ANKFN1: variants seen among roughly 807,000 people sequenced by gnomAD.
The protein encoded by ANKFN1 is ankyrin repeat and fibronectin type-III domain-containing protein 1.
A neutral mutation model predicts 108.7 loss-of-function variants in ANKFN1; 74 were observed. The ratio of observed to expected loss-of-function variants is 0.68; its 90% CI spans 0.56 to 0.83. The LOEUF is 0.83. ANKFN1 is among the 40% of genes least tolerant of loss of function. The pLI is 0.00. For synonymous variants in ANKFN1, 547 were observed against 516.2 expected (o/e 1.06, Z -0.81); for missense variants, 1,505 against 1,382.3 (o/e 1.09, Z -1.41).
chr17:56,212,839 G>T (rs2143819905), intron 2 of ANKFN1, among the ~76,000 whole-genome samples, 160 bp downstream of exon 2: 1 of 152,232 alleles, frequency 6.6e-6, no homozygotes. Flanking sequence ...AATTTAGCTG[G>T]TGTTTTTTTT....
At chr17:56,400,297 A>T (rs2047721093) in intron 8 of ANKFN1, among the ~76,000 whole-genome samples, 1 of 152,180 alleles carries the variant, frequency 6.6e-6, no homozygotes, top group Non-Finnish European at 1.5e-5. Context: ...TTAAGGTGGT[A>T]TCACATTGTG....
At chr17:56,079,192 G>A (rs976098785) in intron 4 of ANKFN1, among the ~76,000 whole-genome samples, 7 of 152,214 alleles carry the variant, frequency 4.6e-5, no homozygotes. Flanking sequence ...CCCCGAGGAG[G>A]CCTTTCATGC....
intron 8 of ANKFN1, among the ~76,000 whole-genome samples, chr17:56,414,058 G>T (rs1472134803): frequency 6.6e-6 from 1 of 152,192 alleles, no homozygotes; most frequent in Non-Finnish European, 1.5e-5. Flanking sequence ...TTGTGGATAA[G>T]CTGTTTGATG....
At chr17:56,442,758 C>A (rs1016033757) in intron 9 of ANKFN1, 85 bp from the exon 10 acceptor site, 51 of 1,201,424 alleles carry the variant, frequency 4.2e-5, no homozygotes, top group Admixed American at 3.0e-4. Flanking sequence ...GTTAATCACA[C>A]ATAGTTATTA....
chr17:56,054,771 G>A (rs747196897), intron 4 of ANKFN1, among the ~76,000 whole-genome samples: 16 of 152,088 alleles, frequency 1.1e-4, no homozygotes, highest in East Asian at 1.9e-4. Flanking sequence ...AATTAGTCCC[G>A]GCTACTCAGG....
chr17:56,333,419 CAT>C (rs2045720452), intron 4 of ANKFN1, among the ~76,000 whole-genome samples: 2 of 152,022 alleles, frequency 1.3e-5, no homozygotes, highest in Admixed American at 6.6e-5. Flanking sequence ...TAGAGATAAT[CAT>C]ATAGTTTTTC....
At chr17:56,381,874 C>G (rs1457906068) in intron 8 of ANKFN1, among the ~76,000 whole-genome samples, 11 of 152,100 alleles carry the variant, frequency 7.2e-5, no homozygotes, top group Non-Finnish European at 1.3e-4. Context: ...AGGATATTAT[C>G]CAGGAGAACT....
intron 8 of ANKFN1, among the ~76,000 whole-genome samples, chr17:56,416,047 A>G (rs369701856): frequency 3.3e-5 from 5 of 152,308 alleles, no homozygotes; most frequent in South Asian, 2.1e-4. Context: ...ATCTCTCACC[A>G]TATACAAATC....
chr17:56,174,614 TAGAC>T (rs1232065251), intron 1 of ANKFN1, among the ~76,000 whole-genome samples: 10 of 152,260 alleles, frequency 6.6e-5, no homozygotes, highest in East Asian at 1.9e-4. Context: ...GTCCTATAAT[TAGAC>T]AGAGCACAAG....
rs574542596 is a variant in ANKFN1 at position 56,320,864 on chromosome 17, G to A, written c.54-5357G>A. 4.6e-5 allele frequency among the ~76,000 whole-genome samples: 7 copies of A among 152,174 alleles called. No individual in the cohort carries two copies. In the South Asian group the frequency reaches 1.0e-3, roughly 23 times the overall value. On this transcript the variant is annotated intron_variant, in intron 3 of 20. Coordinates refer to ENST00000682825, the MANE Select transcript of ANKFN1 (RefSeq NM_001370326.1). ...ACACTCTGTCATCGGATTGCACTAC[G>A]AGGAATATGGGCCATCTCTTTTCGA...
chr17:56,491,130 T>C (rs1176586567), intron 18 of ANKFN1, among the ~76,000 whole-genome samples: 1 of 152,172 alleles, frequency 6.6e-6, no homozygotes, highest in East Asian at 1.9e-4. Flanking sequence ...AATTACTACC[T>C]GTAATTACTA....
Position 56,055,596 on chromosome 17 carries a change from T to TATATATATAC in ANKFN1, c.288+9272_288+9273insTATATATACA, listed in dbSNP as rs768200056. ...ATATATATATATATATATGTATATA[T>TATATATATAC]ACACATTTTTTTATCCAGTCAATCA... On this transcript the variant is annotated intron_variant, in intron 4 of 12. Coordinates refer to the ANKFN1 transcript ENST00000635860. 2.6e-4 allele frequency among the ~76,000 whole-genome samples: 34 copies of TATATATATAC among 130,634 alleles called. 2 individuals carry two copies. Among genetic ancestry groups the TATATATATAC allele is most frequent in the African/African-American group, 6.5e-4 (21 of 32,368 alleles). The allele number at this position is 130,634 out of a possible 152,430, so 85.7% of individuals were successfully genotyped here.
At chr17:56,153,620 G>A (rs1567807176) in intron 1 of ANKFN1, 90 bp downstream of exon 1, 5 of 1,542,610 alleles carry the variant, frequency 3.2e-6, no homozygotes, top group Non-Finnish European at 4.5e-6. Context: ...AGTTGAGTGG[G>A]CGAGTGAATT....
intron 3 of ANKFN1, among the ~76,000 whole-genome samples, chr17:56,308,738 G>A (rs111249847): frequency 1.1e-3 from 160 of 152,142 alleles, no homozygotes; most frequent in African/African-American, 3.5e-3. Context: ...GAGGATGTTC[G>A]TTCTGTTGAT....
At chr17:56,343,289 G>A (rs1382618763) in intron 4 of ANKFN1, among the ~76,000 whole-genome samples, 1 of 151,890 alleles carries the variant, frequency 6.6e-6, no homozygotes, top group Admixed American at 6.6e-5. Context: ...TTATTGTACA[G>A]TAGGTATAAT....
chr17:56,132,664 G>A (rs1482563547), intron 4 of ANKFN1, among the ~76,000 whole-genome samples: 6 of 152,096 alleles, frequency 3.9e-5, no homozygotes, highest in African/African-American at 1.2e-4. Context: ...ATTTTCCACA[G>A]TTCTGGAGAC....
intron 10 of ANKFN1, among the ~76,000 whole-genome samples, chr17:56,446,061 GA>G (rs1408545164): frequency 2.0e-5 from 3 of 152,140 alleles, no homozygotes; most frequent in Non-Finnish European, 4.4e-5. Context: ...ACATCTATGA[GA>G]AAAACTCATT....
chr17:56,511,054 C>G lies in ANKFN1; in HGVS notation c.3226C>G (p.Arg1076Gly), dbSNP rs1003889197. 3 of 1,535,890 alleles carry G rather than the reference C, an allele frequency of 2.0e-6. No individual in the cohort carries two copies. Among genetic ancestry groups the G allele is most frequent in the African/African-American group, 2.7e-5 (2 of 73,062 alleles). ...CCACGCTGCCAGCCTTCCTGAGGAG[C>G]GGAACAGCAGTCTCCAGGACGCGAG... ...LAHAASLPEE[R>G]NSSLQDARPS... Residue 1076 changes from arginine (R) to glycine (G), a missense_variant, in exon 21 of 21, where the codon CGG becomes GGG. Coordinates refer to ENST00000682825, the MANE Select transcript of ANKFN1 (RefSeq NM_001370326.1).
At chr17:56,119,244 C>A (rs1161642843) in intron 4 of ANKFN1, among the ~76,000 whole-genome samples, 2 of 152,138 alleles carry the variant, frequency 1.3e-5, no homozygotes, top group East Asian at 1.9e-4. Flanking sequence ...CCTTGAGGAA[C>A]TTTGACATTT....
Sources: allele counts gnomAD v4.1 joint callset (sites outside exome capture counted in the v4.1 genomes callset), GRCh38; gene constraint gnomAD v4.1.1; transcripts MANE v1.5; gene names NCBI Gene and HGNC (gene_info 2026-07-23, HGNC 2026-07-21).